NUCKS1: variants seen among roughly 807,000 people sequenced by gnomAD.
NUCKS1 encodes the protein nuclear casein kinase and cyclin dependent kinase substrate 1.
In NUCKS1, 2 loss-of-function variants were observed where a neutral mutation model predicts 33.0. That is an observed-to-expected ratio of 0.06 (90% CI 0.02 to 0.19). NUCKS1 has a LOEUF of 0.19. Among genes scored for constraint, NUCKS1 ranks in the 10% least tolerant of loss-of-function variants. The probability of loss-of-function intolerance (pLI) is 1.00; values close to 1 mark genes in which losing one functional copy is unlikely to be tolerated. For synonymous variants in NUCKS1, 106 were observed against 102.8 expected, an observed-to-expected ratio of 1.03 and a Z score of -0.19; for missense variants, 201 against 293.6, an observed-to-expected ratio of 0.68 and a Z score of 2.31.
intron 3 of NUCKS1, among the ~76,000 whole-genome samples, chr1:205,724,697 C>A (rs1165570181): frequency 1.3e-5 from 2 of 151,368 alleles, no homozygotes; most frequent in East Asian, 3.9e-4. Context: ...CCATCCCCAC[C>A]CCCCCCAAAA....
chr1:205,750,160 TC>T lies in NUCKS1; in HGVS notation c.-188del. ...CTCCTGGAACAGACGAGCCCCCCGC[TC>T]CCCCGTCTCTTCAAAATGGATGAAT... is the stretch of plus-strand genomic sequence containing the variant. On this transcript the variant is annotated 5_prime_UTR_variant, in exon 1 of 7. Coordinates refer to ENST00000367142, the MANE Select transcript of NUCKS1 (RefSeq NM_022731.5). The T allele has an allele frequency of 3.4e-6, 2 of 587,032 alleles. No homozygotes were observed. Among genetic ancestry groups the T allele is most frequent in the Non-Finnish European group, 3.0e-6 (1 of 328,970 alleles). The allele number at this position is 587,032 out of a possible 1,614,324, so 36.4% of individuals were successfully genotyped here.
At chr1:205,726,222 A>C (rs2102434458) in intron 3 of NUCKS1, among the ~76,000 whole-genome samples, 1 of 152,124 alleles carries the variant, frequency 6.6e-6, no homozygotes, top group Non-Finnish European at 1.5e-5. Context: ...CAAACAAACA[A>C]AAAACTGTTT....
chr1:205,725,790 TGTAAGCTAGATGTTAA>T (rs1430728118), intron 3 of NUCKS1, among the ~76,000 whole-genome samples: 1 of 152,214 alleles, frequency 6.6e-6, no homozygotes, highest in African/African-American at 2.4e-5. Context: ...CAAGAAAAAC[TGTAAGCTAGATGTTAA>T]TTATGTCAAT....
Position 205,717,227 on chromosome 1 carries a change from T to A in NUCKS1, c.*1053A>T. The A allele has an allele frequency of 1.2e-6, 1 of 805,624 alleles. No homozygotes were observed. Among genetic ancestry groups the A allele is most frequent in the Non-Finnish European group, 1.5e-6 (1 of 664,176 alleles). The allele number at this position is 805,624 out of a possible 1,614,324, so 49.9% of individuals were successfully genotyped here. ...ATGGTTAATGGGACCTGAATGCACA[T>A]TTATAGCATAAAAGAATGTCAATTC... is the stretch of plus-strand genomic sequence containing the variant. On this transcript the variant is annotated 3_prime_UTR_variant, in exon 7 of 7. Coordinates refer to ENST00000367142, the MANE Select transcript of NUCKS1 (RefSeq NM_022731.5).
chr1:205,746,443 T>TCACACACACACACACACACA (rs759670793), intron 1 of NUCKS1, among the ~76,000 whole-genome samples: 1 of 70,172 alleles, frequency 1.4e-5, no homozygotes, highest in African/African-American at 5.4e-5. Context: ...CACTTCTCTC[T>TCACACACACACACACACACA]CTCTCTCTCT....
intron 1 of NUCKS1, among the ~76,000 whole-genome samples, chr1:205,747,818 C>G (rs1654369394): frequency 6.6e-6 from 1 of 152,084 alleles, no homozygotes; most frequent in Non-Finnish European, 1.5e-5. Context: ...CATCATTTCC[C>G]TAAGTCAGGA....
At chr1:205,720,358 A>G in intron 5 of NUCKS1, 143 bp downstream of exon 5, 1 of 723,418 alleles carries the variant, frequency 1.4e-6, no homozygotes, top group Non-Finnish European at 2.3e-6. Context: ...GAACCAATAC[A>G]GTCATCTCTT....
chr1:205,741,019 C>T (rs1204351920), intron 1 of NUCKS1, among the ~76,000 whole-genome samples: 5 of 151,692 alleles, frequency 3.3e-5, no homozygotes, highest in African/African-American at 9.7e-5. Flanking sequence ...AAGTCACACA[C>T]GGCCGGGCGC....
At chr1:205,749,338 GA>G (rs908986434) in intron 1 of NUCKS1, among the ~76,000 whole-genome samples, 1 of 152,086 alleles carries the variant, frequency 6.6e-6, no homozygotes, top group African/African-American at 2.4e-5. Flanking sequence ...TGCCCGGGGG[GA>G]AAAAAACGGG....
intron 1 of NUCKS1, among the ~76,000 whole-genome samples, chr1:205,749,227 G>A (rs2102453321): frequency 6.6e-6 from 1 of 152,362 alleles, no homozygotes; most frequent in South Asian, 2.1e-4. Context: ...TCTAGTCGGA[G>A]AGAAAGAGCG....
At chr1:205,748,632 G>A (rs1256102704) in intron 1 of NUCKS1, among the ~76,000 whole-genome samples, 1 of 152,168 alleles carries the variant, frequency 6.6e-6, no homozygotes, top group Non-Finnish European at 1.5e-5. Context: ...CCCGTGTGTA[G>A]GAGTACGCAG....
At chr1:205,748,644 C>A (rs1654391222) in intron 1 of NUCKS1, among the ~76,000 whole-genome samples, 1 of 152,194 alleles carries the variant, frequency 6.6e-6, no homozygotes, top group South Asian at 2.1e-4. Context: ...AGTACGCAGT[C>A]TCATACCACC....
intron 1 of NUCKS1, among the ~76,000 whole-genome samples, chr1:205,743,173 A>G (rs1654223475): frequency 6.6e-6 from 1 of 152,170 alleles, no homozygotes; most frequent in African/African-American, 2.4e-5. Context: ...CATTTTTGGG[A>G]AAAAACAGGC....
chr1:205,729,212 G>A (rs1028196527), intron 2 of NUCKS1, among the ~76,000 whole-genome samples: 3 of 152,078 alleles, frequency 2.0e-5, no homozygotes, highest in South Asian at 2.1e-4. Flanking sequence ...CAAGTGGTCC[G>A]CCCACCTTGG....
At position 205,723,937 on chromosome 1, in the gene NUCKS1, G is replaced by T; in HGVS notation, c.218C>A (p.Ser73Tyr). 1 of 1,609,304 alleles carries T rather than the reference G, an allele frequency of 6.2e-7. No homozygotes were observed. Among genetic ancestry groups the T allele is most frequent in the South Asian group, 1.1e-5 (1 of 90,950 alleles). ...AAATAGTTTACTACCTGCTGAGTGA[G>T]AATCATCCTTCTTGGTCTTCACATC... ...DKDVKTKKDD[S>Y]HSAEDSEDEK... Residue 73 changes from serine to tyrosine, a missense_variant, in exon 4 of 7, where the codon TCT becomes TAT. Transcript: ENST00000367142.
chr1:205,730,329 G>A (rs1042689006), intron 1 of NUCKS1, among the ~76,000 whole-genome samples: 12 of 151,912 alleles, frequency 7.9e-5, no homozygotes, highest in African/African-American at 2.9e-4. Context: ...TTACAGGCAC[G>A]AGCCACTGCA....
intron 1 of NUCKS1, among the ~76,000 whole-genome samples, chr1:205,730,326 C>T (rs888845217): frequency 3.3e-5 from 5 of 152,170 alleles, no homozygotes; most frequent in Non-Finnish European, 5.9e-5. Flanking sequence ...GGATTACAGG[C>T]ACGAGCCACT....
At chr1:205,738,927 A>G (rs1654097946) in intron 1 of NUCKS1, among the ~76,000 whole-genome samples, 1 of 152,090 alleles carries the variant, frequency 6.6e-6, no homozygotes, top group Admixed American at 6.6e-5. Flanking sequence ...TAACTACATA[A>G]AATTTAAATC....
chr1:205,746,332 TA>T (rs1156934319), intron 1 of NUCKS1, among the ~76,000 whole-genome samples: 1 of 152,206 alleles, frequency 6.6e-6, no homozygotes, highest in Non-Finnish European at 1.5e-5. Context: ...TCAGGCATTG[TA>T]AATTATGTAT....
Sources: allele counts gnomAD v4.1 joint callset (sites outside exome capture counted in the v4.1 genomes callset), GRCh38; gene constraint gnomAD v4.1.1; transcripts MANE v1.5; gene names NCBI Gene and HGNC (gene_info 2026-07-23, HGNC 2026-07-21).